Variants in VMP1 observed in about 807,000 individuals in gnomAD.
The protein encoded by VMP1 is vacuole membrane protein 1, also known as ectopic P-granules autophagy protein 3 homolog.
In VMP1, 11 loss-of-function variants were observed where a neutral mutation model predicts 56.0. The observed-to-expected ratio is 0.20, with a 90% CI of 0.12 to 0.32. The LOEUF (loss-of-function observed/expected upper bound fraction) is 0.32. Among genes scored for constraint, VMP1 ranks in the 10% least tolerant of loss-of-function variants. The pLI, the probability that VMP1 is intolerant of heterozygous loss-of-function variation, is 1.00. For synonymous variants in VMP1, 149 were observed against 165.0 expected (o/e 0.90, Z 0.74); for missense variants, 296 against 490.3 (o/e 0.60, Z 3.74).
chr17:59,757,996 T>C (rs2035908930), intron 5 of VMP1, among the ~76,000 whole-genome samples: 1 of 148,490 alleles, frequency 6.7e-6, no homozygotes, highest in Non-Finnish European at 1.5e-5. Context: ...CACACCACCA[T>C]ACCCAGCTAA....
intron 5 of VMP1, among the ~76,000 whole-genome samples, chr17:59,759,085 C>G (rs1262443727): frequency 1.3e-5 from 2 of 152,170 alleles, no homozygotes; most frequent in African/African-American, 4.8e-5. Context: ...GAGACCCTGT[C>G]TCAACAACAA....
intron 8 of VMP1, 72 bp from the exon 9 acceptor site, chr17:59,811,598 C>A: frequency 8.9e-7 from 1 of 1,119,818 alleles, no homozygotes; most frequent in Non-Finnish European, 1.3e-6. Context: ...CAGAATACCA[C>A]ATATCAATGG....
chr17:59,757,378 GTTA>G (rs2035883139), intron 5 of VMP1, among the ~76,000 whole-genome samples: 4 of 151,912 alleles, frequency 2.6e-5, no homozygotes, highest in Admixed American at 2.0e-4. Flanking sequence ...GTAGTGTATT[GTTA>G]TTCTTAAAGC....
intron 6 of VMP1, among the ~76,000 whole-genome samples, chr17:59,769,211 A>G (rs1464038028): frequency 6.6e-6 from 1 of 150,774 alleles, no homozygotes; most frequent in Admixed American, 6.6e-5. Flanking sequence ...GGTGGAGTGC[A>G]ATGGCACAAT....
chr17:59,731,358 T>C (rs965535473), intron 1 of VMP1, 63 bp from the exon 2 acceptor site: 2 of 960,622 alleles, frequency 2.1e-6, no homozygotes, highest in Admixed American at 2.7e-5. Flanking sequence ...TTCAGTTTTA[T>C]TCAGTCACAG....
intron 10 of VMP1, chr17:59,837,686 G>A (rs900690320): frequency 3.3e-5 from 5 of 152,188 alleles, no homozygotes; most frequent in Non-Finnish European, 7.3e-5. Context: ...TGACTAGTGG[G>A]AGGTGCCTCC....
rs2036219410 is a variant in VMP1, at chr17:59,765,993, A to C, written c.582+855A>C. 2.0e-5 allele frequency among the ~76,000 whole-genome samples: 3 copies of C among 151,998 alleles called. No individual in the cohort carries two copies. In the South Asian group the frequency reaches 6.2e-4, roughly 31 times the overall value. On this transcript the variant is annotated intron_variant, in intron 6 of 11. Coordinates refer to ENST00000262291, the MANE Select transcript of VMP1 (RefSeq NM_030938.5). ...TAGATTGGTAAATGTCATATGTCTT[A>C]CTTTTTTTAATTTAAAATTTTACTT... is the stretch of plus-strand genomic sequence containing the variant.
intron 10 of VMP1, among the ~76,000 whole-genome samples, chr17:59,833,834 A>G (rs910261831): frequency 6.6e-6 from 1 of 152,170 alleles, no homozygotes; most frequent in Non-Finnish European, 1.5e-5. Flanking sequence ...TCCCTTCCTC[A>G]TTTCCCTAAA....
chr17:59,771,618 T>C (rs1297787275), intron 6 of VMP1, among the ~76,000 whole-genome samples: 3 of 148,420 alleles, frequency 2.0e-5, no homozygotes, highest in African/African-American at 7.4e-5. Flanking sequence ...TTTTTTTTTT[T>C]TTTTTTTGAG....
intron 10 of VMP1, among the ~76,000 whole-genome samples, chr17:59,822,209 T>A (rs2038479041): frequency 6.6e-6 from 1 of 152,142 alleles, no homozygotes. Context: ...TAAAGCTTTA[T>A]TATCAGATCC....
chr17:59,822,926 G>A (rs1026525834), intron 10 of VMP1, among the ~76,000 whole-genome samples: 2 of 152,024 alleles, frequency 1.3e-5, no homozygotes, highest in Admixed American at 6.6e-5. Flanking sequence ...ACAAAAAAAC[G>A]CACTAACAAA....
Position 59,828,403 on chromosome 17 carries a change from A to C in VMP1, c.975-9892A>C, listed in dbSNP as rs190436464. On this transcript the variant is annotated intron_variant, in intron 10 of 11. Transcript: ENST00000262291. ...GGCAGTAGAAACAATGTACCTGATA[A>C]AATACACCTGGAGAAAGCATGGTCT... 1.5e-4 allele frequency among the ~76,000 whole-genome samples: 23 copies of C among 152,356 alleles called. No individual in the cohort carries two copies. In the East Asian group the frequency reaches 4.2e-3, roughly 28 times the overall value.
chr17:59,792,639 C>T (rs576950843), intron 7 of VMP1, among the ~76,000 whole-genome samples: 45 of 145,526 alleles, frequency 3.1e-4, no homozygotes, highest in African/African-American at 1.2e-3. Flanking sequence ...CCGAGGCGGG[C>T]GGATCACCTG....
At chr17:59,823,973 T>C (rs575243541) in intron 10 of VMP1, among the ~76,000 whole-genome samples, 60 of 151,558 alleles carry the variant, frequency 4.0e-4, no homozygotes, top group African/African-American at 1.3e-3. Flanking sequence ...GAATGAAAAA[T>C]GAATCCCGGG....
chr17:59,721,856 T>A (rs2034412052), intron 1 of VMP1, among the ~76,000 whole-genome samples: 1 of 152,228 alleles, frequency 6.6e-6, no homozygotes, highest in Non-Finnish European at 1.5e-5. Context: ...ACCCCATCTA[T>A]GTTTAAACAA....
chr17:59,771,269 C>T (rs1244988937), intron 6 of VMP1, among the ~76,000 whole-genome samples: 2 of 151,688 alleles, frequency 1.3e-5, no homozygotes, highest in African/African-American at 2.4e-5. Context: ...ACCTCCCAGG[C>T]TTAAACAATC....
At chr17:59,765,734 AGGG>A (rs1248760106) in intron 6 of VMP1, among the ~76,000 whole-genome samples, 1 of 152,046 alleles carries the variant, frequency 6.6e-6, no homozygotes, top group Non-Finnish European at 1.5e-5. Context: ...TTGCTGTCTT[AGGG>A]GTGGCACAGG....
At position 59,839,887 on chromosome 17, in the gene VMP1, G is replaced by T. The variant is rs373537296; in HGVS notation, c.1197G>T (p.Leu399Phe). The T allele has an allele frequency of 6.2e-7, 1 of 1,611,696 alleles. No homozygotes were observed. Among genetic ancestry groups the T allele is most frequent in the East Asian group, 2.2e-5 (1 of 44,754 alleles). ...QSYAKRIQQR[L>F]NSEEKTK ...ATGCCAAACGAATCCAGCAGCGGTT[G>T]AACTCAGAGGAGAAAACTAAATAAG... Residue 399 changes from leucine to phenylalanine, a missense_variant, in exon 12 of 12, where the codon TTG becomes TTT. Leu to Phe is a conservative substitution (Grantham distance 22). This residue lies in a region of VMP1 where 95 missense variants were observed against 137.6 expected (regional missense o/e 0.69). Transcript: ENST00000262291.
At chr17:59,787,559 C>T (rs946910428) in intron 7 of VMP1, among the ~76,000 whole-genome samples, 12 of 152,270 alleles carry the variant, frequency 7.9e-5, no homozygotes, top group Non-Finnish European at 1.5e-4. Flanking sequence ...CAATGGCTCA[C>T]GACTGTAATC....
Sources: allele counts gnomAD v4.1 joint callset (sites outside exome capture counted in the v4.1 genomes callset), GRCh38; gene constraint gnomAD v4.1.1; regional missense constraint gnomAD v4.1.1; transcripts MANE v1.5; gene names NCBI Gene and HGNC (gene_info 2026-07-23, HGNC 2026-07-21).